SLC41A2: variants seen among roughly 807,000 people sequenced by gnomAD.
SLC41A2 encodes the protein SLC41A1-like 1.
Under a neutral mutation model 58.3 loss-of-function variants are expected in SLC41A2, and 32 were observed. The observed-to-expected ratio is 0.55, with a 90% CI of 0.41 to 0.74. SLC41A2 has a LOEUF of 0.74. SLC41A2 is among the 30% of genes least tolerant of loss of function. The pLI is 0.00. For missense variants in SLC41A2, 514 were observed against 680.6 expected (o/e 0.76, Z 2.72); for synonymous variants, 190 against 235.0 (o/e 0.81, Z 1.75).
chr12:104,902,086 A>T (rs1310838101), intron 3 of SLC41A2, among the ~76,000 whole-genome samples: 1 of 152,244 alleles, frequency 6.6e-6, no homozygotes, highest in Non-Finnish European at 1.5e-5. Flanking sequence ...AGTGAAAACA[A>T]ATACTACATA....
At chr12:104,946,031 CTTCA>C (rs2047705920) in intron 1 of SLC41A2, among the ~76,000 whole-genome samples, 1 of 152,156 alleles carries the variant, frequency 6.6e-6, no homozygotes, top group South Asian at 2.1e-4. Flanking sequence ...ATGAATTCTA[CTTCA>C]TTGTTTTTAA....
At chr12:104,891,563 T>TAC (rs1025241861) in intron 4 of SLC41A2, among the ~76,000 whole-genome samples, 5 of 150,534 alleles carry the variant, frequency 3.3e-5, no homozygotes, top group African/African-American at 1.2e-4. Context: ...TTTTGATTAT[T>TAC]ACCCCTGCAT....
intron 8 of SLC41A2, among the ~76,000 whole-genome samples, chr12:104,853,926 T>TTTATTTTTTTA (rs1565842738): frequency 8.4e-6 from 1 of 118,850 alleles, no homozygotes; most frequent in African/African-American, 3.1e-5. Context: ...TTTTTTTTTT[T>TTTATTTTTTTA]TTTTTTTTTT....
At chr12:104,853,911 A>ATTATTATTATTTTT in intron 8 of SLC41A2, among the ~76,000 whole-genome samples, 21 of 59,496 alleles carry the variant, frequency 3.5e-4, no homozygotes, top group South Asian at 1.0e-3. Flanking sequence ...TGCCTGGCTG[A>ATTATTATTATTTTT]TTTTTTTTTT....
rs1197597874 is a variant in SLC41A2, at chr12:104,882,932, TCTC to T, written c.1027+3358_1027+3360del. Among the ~76,000 whole-genome samples, 4 of 152,330 alleles carry T rather than the reference TCTC, an allele frequency of 2.6e-5. No individual in the cohort carries two copies. The East Asian group carries it at 7.7e-4, about 29-fold the overall frequency. On this transcript the variant is annotated intron_variant, in intron 6 of 10. Coordinates refer to ENST00000258538, the MANE Select transcript of SLC41A2 (RefSeq NM_001352171.3). ...AGAGTGTTTTCCAACTTGGTTCCAT[TCTC>T]CTCATCACTTTCAGGTATACCAATC...
rs1243945672 is a variant in SLC41A2, at chr12:104,947,194, CCT to C, written c.-168+10892_-168+10893del. On this transcript the variant is annotated intron_variant, in intron 1 of 10. Coordinates refer to ENST00000258538, the MANE Select transcript of SLC41A2 (RefSeq NM_001352171.3). ...CTGAATTTCTGGCTTTTATTTTTGT[CCT>C]TTTTTTTTTTTTTTTTTTTTTTTTT... 1.1e-3 allele frequency among the ~76,000 whole-genome samples: 61 copies of C among 53,682 alleles called. 23 individuals are homozygous for C. The highest frequency in any genetic ancestry group is 6.1e-3 in the East Asian group (6 of 982). 35.2% of individuals were successfully genotyped at this position (53,682 alleles called of 152,430 possible). A position where few individuals can be genotyped will look rare whatever the true frequency, so the allele number is the denominator to read the frequency against.
intron 8 of SLC41A2, among the ~76,000 whole-genome samples, chr12:104,855,927 C>A (rs1418798455): frequency 6.6e-6 from 1 of 152,050 alleles, no homozygotes; most frequent in Non-Finnish European, 1.5e-5. Context: ...GTGGAAATAT[C>A]CAATTTAAAG....
At chr12:104,824,180 T>C (rs897406182) in intron 10 of SLC41A2, among the ~76,000 whole-genome samples, 3 of 151,522 alleles carry the variant, frequency 2.0e-5, no homozygotes, top group African/African-American at 7.3e-5. Flanking sequence ...CATTTTTTTT[T>C]CCCTGCCCAA....
chr12:104,879,042 T>A (rs536921987), intron 6 of SLC41A2, among the ~76,000 whole-genome samples: 4 of 152,242 alleles, frequency 2.6e-5, no homozygotes, highest in Non-Finnish European at 4.4e-5. Context: ...GTGGTTTTGA[T>A]TTGCATTTCT....
intron 3 of SLC41A2, 102 bp downstream of exon 3, chr12:104,909,553 A>G (rs2045989518): frequency 1.3e-6 from 1 of 760,942 alleles, no homozygotes; most frequent in African/African-American, 1.9e-5. Context: ...CCTGAAGTGC[A>G]GAAGCATATC....
intron 10 of SLC41A2, among the ~76,000 whole-genome samples, chr12:104,842,975 A>G (rs2042468074): frequency 6.6e-6 from 1 of 152,120 alleles, no homozygotes. Flanking sequence ...GGATTGAAGA[A>G]TGCATCTTTT....
chr12:104,957,446 T>C (rs2048209490), intron 1 of SLC41A2, among the ~76,000 whole-genome samples: 1 of 152,138 alleles, frequency 6.6e-6, no homozygotes. Context: ...ATAGTGGTCA[T>C]ATTTGGAAAA....
intron 3 of SLC41A2, among the ~76,000 whole-genome samples, chr12:104,896,403 C>G (rs760283109): frequency 6.6e-6 from 1 of 152,078 alleles, no homozygotes; most frequent in African/African-American, 2.4e-5. Flanking sequence ...TTTACTAAGC[C>G]TGGGAATCTA....
chr12:104,955,189 T>C (rs1208292229), intron 1 of SLC41A2, among the ~76,000 whole-genome samples: 1 of 151,990 alleles, frequency 6.6e-6, no homozygotes, highest in African/African-American at 2.4e-5. Flanking sequence ...CTAATTTTTG[T>C]ATTTTTAGGA....
At chr12:104,944,021 G>T (rs12579505) in intron 1 of SLC41A2, among the ~76,000 whole-genome samples, 1 of 151,774 alleles carries the variant, frequency 6.6e-6, no homozygotes, top group African/African-American at 2.4e-5. Flanking sequence ...CTCTGTTTTC[G>T]CTCTATTAAA....
At chr12:104,812,151 A>C (rs924709043) in intron 10 of SLC41A2, among the ~76,000 whole-genome samples, 4 of 152,228 alleles carry the variant, frequency 2.6e-5, no homozygotes, top group Non-Finnish European at 4.4e-5. Flanking sequence ...AGGAGAGCAG[A>C]TGCTCACATT....
intron 1 of SLC41A2, among the ~76,000 whole-genome samples, chr12:104,942,675 C>A (rs865876251): frequency 6.6e-6 from 1 of 152,180 alleles, no homozygotes; most frequent in South Asian, 2.1e-4. Flanking sequence ...GCTTTTTTTA[C>A]TTTAGCAGTG....
At chr12:104,914,987 A>G (rs1339100645) in intron 2 of SLC41A2, among the ~76,000 whole-genome samples, 1 of 152,232 alleles carries the variant, frequency 6.6e-6, no homozygotes. Flanking sequence ...AAATTTTACC[A>G]TGATCCAGTA....
intron 2 of SLC41A2, among the ~76,000 whole-genome samples, chr12:104,918,557 G>C (rs1167272620): frequency 7.5e-6 from 1 of 133,516 alleles, no homozygotes; most frequent in Non-Finnish European, 1.6e-5. Flanking sequence ...GTGTTACTTA[G>C]TTTTTGTTTT....
Sources: allele counts gnomAD v4.1 joint callset (sites outside exome capture counted in the v4.1 genomes callset), GRCh38; gene constraint gnomAD v4.1.1; transcripts MANE v1.5; gene names NCBI Gene and HGNC (gene_info 2026-07-23, HGNC 2026-07-21).